The following RNF145 variants were observed in gnomAD, a reference collection of about 807,000 sequenced individuals.
RNF145 encodes the protein ring finger protein 145.
RNF145 carries 12 observed loss-of-function variants against 57.3 expected under a neutral mutation model. The ratio of observed to expected loss-of-function variants is 0.21; its 90% CI spans 0.13 to 0.34. The LOEUF is 0.34. Ranked by LOEUF, RNF145 falls within the 10% of genes least tolerant of loss-of-function variation. The probability of loss-of-function intolerance (pLI) is 1.00; values close to 1 mark genes in which losing one functional copy is unlikely to be tolerated. For missense variants in RNF145, 429 were observed against 799.0 expected, an observed-to-expected ratio of 0.54 and a Z score of 5.58; for synonymous variants, 262 against 288.3, an observed-to-expected ratio of 0.91 and a Z score of 0.92.
intron 2 of RNF145, among the ~76,000 whole-genome samples, chr5:159,198,477 C>T (rs1338438683): frequency 6.6e-6 from 1 of 152,042 alleles, no homozygotes; most frequent in African/African-American, 2.4e-5. Flanking sequence ...TATGGAGCTG[C>T]CAGTCAGCCA....
intron 3 of RNF145, among the ~76,000 whole-genome samples, chr5:159,188,218 TA>T (rs35742473): frequency 0.15 from 22,711 of 148,304 alleles, 1,913 homozygotes; most frequent in Non-Finnish European, 0.21. Context: ...CCATCTCTAC[TA>T]AAAAAAAAAT....
Position 159,174,740 on chromosome 5 carries a change from T to G in RNF145, c.622-582A>C, listed in dbSNP as rs375725492. Among the ~76,000 whole-genome samples, 111 of 152,148 alleles carry G rather than the reference T, an allele frequency of 7.3e-4. 1 individual carries two copies. The highest frequency in any genetic ancestry group is 2.6e-3 in the African/African-American group (107 of 41,524). ...GTTTTTATCAAGCTATGTTTTTCCA[T>G]TTGGTTTGCCAAGTGTAAGTAACAC... On this transcript the variant is annotated intron_variant, in intron 5 of 10. Transcript: ENST00000424310.
At chr5:159,195,808 T>C (rs1785439461) in intron 2 of RNF145, among the ~76,000 whole-genome samples, 2 of 152,252 alleles carry the variant, frequency 1.3e-5, no homozygotes, top group African/African-American at 2.4e-5. Flanking sequence ...TAACTTATTA[T>C]ACAGGCAAAA....
At chr5:159,207,397 G>T in intron 1 of RNF145, 1 of 887,516 alleles carries the variant, frequency 1.1e-6, no homozygotes, top group Non-Finnish European at 1.7e-6. Context: ...AGAATGACAC[G>T]TGACCCAACT....
chr5:159,166,643 C>A (rs1784400684), intron 8 of RNF145, among the ~76,000 whole-genome samples: 1 of 152,174 alleles, frequency 6.6e-6, no homozygotes, highest in Non-Finnish European at 1.5e-5. Context: ...GAGTTCCACC[C>A]ATATGTGGGT....
Position 159,203,510 on chromosome 5 carries a change from C to A in RNF145, c.108G>T (p.Gln36His). Residue 36 changes from glutamine to histidine, a missense_variant, in exon 2 of 11, where the codon CAG becomes CAT. This residue lies in a region of RNF145 where 109 missense variants were observed against 207.2 expected (regional missense o/e 0.53). Transcript: ENST00000424310. ...TACTAAGGCTACTTCTTTGGATCTG[C>A]TGGAAAAAGGAGCTGACATCCCATC... Reference protein sequence around the residue: ...LYRWDVSSFFQQIQRSSLSNN... With the variant: ...LYRWDVSSFFHQIQRSSLSNN... 1 of 1,614,046 alleles carries A rather than the reference C, an allele frequency of 6.2e-7. No homozygotes were observed. The highest frequency in any genetic ancestry group is 1.1e-5 in the South Asian group (1 of 91,082).
chr5:159,167,649 C>T (rs758808682), intron 8 of RNF145, among the ~76,000 whole-genome samples: 8 of 152,196 alleles, frequency 5.3e-5, no homozygotes, highest in South Asian at 2.1e-4. Context: ...TATTTAATTG[C>T]GCTCACCCTT....
At chr5:159,173,373 A>G (rs1784616539) in intron 6 of RNF145, among the ~76,000 whole-genome samples, 1 of 152,214 alleles carries the variant, frequency 6.6e-6, no homozygotes, top group African/African-American at 2.4e-5. Context: ...ACAGTAAAGT[A>G]CTATTATCTA....
At chr5:159,189,283 A>G (rs972226806) in intron 3 of RNF145, among the ~76,000 whole-genome samples, 4 of 152,258 alleles carry the variant, frequency 2.6e-5, no homozygotes, top group Non-Finnish European at 5.9e-5. Flanking sequence ...TAACCCAATT[A>G]AATACTGAGC....
chr5:159,181,874 TAAAA>T (rs938372994), intron 4 of RNF145, 82 bp downstream of exon 4: 1 of 740,808 alleles, frequency 1.3e-6, no homozygotes, highest in East Asian at 2.6e-5. Context: ...AATTCCGTTT[TAAAA>T]AAAAATGAGT....
intron 3 of RNF145, among the ~76,000 whole-genome samples, chr5:159,189,167 T>A (rs866266722): frequency 7.2e-5 from 11 of 152,198 alleles, no homozygotes; most frequent in African/African-American, 2.7e-4. Flanking sequence ...TTGCAAATCA[T>A]AGATCTGATA....
chr5:159,178,987 TAAAGA>T (rs1438618483), intron 4 of RNF145, among the ~76,000 whole-genome samples: 5 of 151,952 alleles, frequency 3.3e-5, no homozygotes, highest in African/African-American at 1.2e-4. Flanking sequence ...CATAAAGGCA[TAAAGA>T]AAAGAAAAAC....
At chr5:159,197,341 A>G (rs776384663) in intron 2 of RNF145, among the ~76,000 whole-genome samples, 4 of 152,240 alleles carry the variant, frequency 2.6e-5, no homozygotes, top group Non-Finnish European at 5.9e-5. Context: ...ATGCTGAAAG[A>G]ACTAGCAGCT....
rs779294380 is a variant in RNF145 at position 159,194,833 on chromosome 5, G to C, written c.185-9C>G. On this transcript the variant is annotated splice_polypyrimidine_tract_variant and intron_variant, in intron 2 of 10. Coordinates refer to ENST00000424310, the MANE Select transcript of RNF145 (RefSeq NM_001199383.2). Reference sequence around the variant, plus strand: ...CACACTTAAGATATAACCTGTACCAGAAAGATAAATAAAATACAATTTTAA... The same window carrying C: ...CACACTTAAGATATAACCTGTACCACAAAGATAAATAAAATACAATTTTAA... 2.0e-6 allele frequency: 3 copies of C among 1,529,422 alleles called. No homozygotes were observed. Among genetic ancestry groups the C allele is most frequent in the African/African-American group, 2.8e-5 (2 of 72,138 alleles). The allele number at this position is 1,529,422 out of a possible 1,614,324, so 94.7% of individuals were successfully genotyped here. A position where few individuals can be genotyped will look rare whatever the true frequency, so the allele number is the denominator to read the frequency against.
intron 4 of RNF145, among the ~76,000 whole-genome samples, chr5:159,181,022 A>T (rs1784876978): frequency 6.6e-6 from 1 of 151,978 alleles, no homozygotes; most frequent in African/African-American, 2.4e-5. Flanking sequence ...AAATATCAGA[A>T]ATCACTGCTA....
intron 2 of RNF145, among the ~76,000 whole-genome samples, chr5:159,196,615 A>G (rs751001743): frequency 5.9e-5 from 9 of 152,214 alleles, no homozygotes; most frequent in Non-Finnish European, 1.0e-4. Flanking sequence ...AAAGAAACAG[A>G]ACTGAGGATT....
Position 159,167,667 on chromosome 5 carries a change from A to T in RNF145, c.1121+1206T>A, listed in dbSNP as rs1310852482. On this transcript the variant is annotated intron_variant, in intron 8 of 10. Coordinates refer to ENST00000424310, the MANE Select transcript of RNF145 (RefSeq NM_001199383.2). ...TTAATTGCGCTCACCCTTGAGTTCA[A>T]CATTTTAAATGCTTCAGTCAAGAAA... Among the ~76,000 whole-genome samples the T allele has an allele frequency of 2.0e-5, 3 of 152,310 alleles. No homozygotes were observed. The South Asian group carries it at 6.2e-4, about 32-fold the overall frequency.
rs1046503873 is a variant in RNF145, at chr5:159,158,839, C to A, written c.1823G>T (p.Gly608Val). 1 of 1,613,902 alleles carries A rather than the reference C, an allele frequency of 6.2e-7. No homozygotes were observed. The highest frequency in any genetic ancestry group is 8.5e-7 in the Non-Finnish European group (1 of 1,179,846). Reference protein sequence around the residue: ...GAEQNVMFQEGTEPPGQEHTP... With the variant: ...GAEQNVMFQEVTEPPGQEHTP... ...ATGCTCCTGGCCTGGGGGTTCAGTA[C>A]CTTCCTGAAACATGACGTTTTGCTC... Residue 608 changes from glycine to valine, a missense_variant, in exon 11 of 11, where the codon GGT becomes GTT. Coordinates refer to ENST00000424310, the MANE Select transcript of RNF145 (RefSeq NM_001199383.2).
At chr5:159,200,110 G>A (rs1039944331) in intron 2 of RNF145, among the ~76,000 whole-genome samples, 1 of 152,082 alleles carries the variant, frequency 6.6e-6, no homozygotes, top group African/African-American at 2.4e-5. Context: ...GGGCAACACA[G>A]CAAGAACCCA....
Sources: gnomAD v4.1 joint callset for allele counts (sites outside exome capture counted in the v4.1 genomes callset) on GRCh38, gnomAD v4.1.1 for gene constraint, gnomAD v4.1.1 regional missense constraint, MANE v1.5 for transcripts, NCBI Gene and HGNC (gene_info 2026-07-23, HGNC 2026-07-21) for gene names.